Variants in ACYP2 observed in about 807,000 individuals in gnomAD.
ACYP2 encodes the protein acylphosphatase-2.
ACYP2 carries 12 observed loss-of-function variants against 11.2 expected under a neutral mutation model. The ratio of observed to expected loss-of-function variants is 1.08; its 90% CI spans 0.69 to 1.74. The LOEUF is 1.74. Among genes scored for constraint, ACYP2 ranks in the 40% most tolerant of loss-of-function variants. The probability of loss-of-function intolerance (pLI) is 0.00; values close to 1 mark genes in which losing one functional copy is unlikely to be tolerated. For missense variants in ACYP2, 134 were observed against 101.9 expected (o/e 1.31, Z -1.35); for synonymous variants, 43 against 32.2 (o/e 1.33, Z -1.13).
chr2:54,206,335 C>A (rs1336158987), intron 6 of ACYP2, among the ~76,000 whole-genome samples: 1 of 152,160 alleles, frequency 6.6e-6, no homozygotes, highest in Non-Finnish European at 1.5e-5. Flanking sequence ...TAATTTAGAT[C>A]TGTTATTTAC....
intron 4 of ACYP2, among the ~76,000 whole-genome samples, chr2:54,106,387 G>A (rs1207220947): frequency 6.6e-6 from 1 of 151,940 alleles, no homozygotes; most frequent in African/African-American, 2.4e-5. Flanking sequence ...TATGAGTAAG[G>A]ATGAAAAGTA....
chr2:54,254,900 G>GT, intron 6 of ACYP2: 1 of 1,598,880 alleles, frequency 6.3e-7, no homozygotes, highest in East Asian at 2.2e-5. Context: ...TTCTGCAGGA[G>GT]TAATTCCAAA....
chr2:54,253,315 T>A (rs952694552), intron 6 of ACYP2: 2 of 152,240 alleles, frequency 1.3e-5, no homozygotes, highest in African/African-American at 4.8e-5. Flanking sequence ...AAAACTGCCA[T>A]GAATATCCAT....
intron 2 of ACYP2, among the ~76,000 whole-genome samples, chr2:53,977,434 C>G (rs1309577822): frequency 6.6e-6 from 1 of 152,090 alleles, no homozygotes; most frequent in African/African-American, 2.4e-5. Context: ...ACTTCTATCC[C>G]TGGGTAGATA....
chr2:54,040,257 A>G (rs1675153679), intron 2 of ACYP2, among the ~76,000 whole-genome samples: 2 of 152,160 alleles, frequency 1.3e-5, no homozygotes, highest in Admixed American at 1.3e-4. Flanking sequence ...TGAACTCTGC[A>G]ACTCGGGAAA....
At chr2:54,095,196 G>C (rs1404891153) in intron 4 of ACYP2, among the ~76,000 whole-genome samples, 2 of 152,160 alleles carry the variant, frequency 1.3e-5, no homozygotes, top group African/African-American at 4.8e-5. Flanking sequence ...AGAGCACAGG[G>C]TTGGGGGTAA....
At chr2:54,188,457 C>G (rs1684104763) in intron 6 of ACYP2, among the ~76,000 whole-genome samples, 1 of 151,984 alleles carries the variant, frequency 6.6e-6, no homozygotes, top group Non-Finnish European at 1.5e-5. Flanking sequence ...GTTAAAAGAG[C>G]AAGCAGTAGA....
intron 6 of ACYP2, among the ~76,000 whole-genome samples, chr2:54,259,408 C>T (rs1290094906): frequency 6.6e-6 from 1 of 152,124 alleles, no homozygotes; most frequent in South Asian, 2.1e-4. Context: ...AAGCTGGGCC[C>T]TGAAGACTCC....
At chr2:54,263,737 T>C (rs1465506807) in intron 6 of ACYP2, among the ~76,000 whole-genome samples, 1 of 152,204 alleles carries the variant, frequency 6.6e-6, no homozygotes, top group Non-Finnish European at 1.5e-5. Flanking sequence ...TGCATATGTT[T>C]CAAGATGATA....
At chr2:54,200,181 T>C (rs998130254) in intron 6 of ACYP2, among the ~76,000 whole-genome samples, 1 of 152,206 alleles carries the variant, frequency 6.6e-6, no homozygotes, top group Non-Finnish European at 1.5e-5. Flanking sequence ...GCTAGCTGTG[T>C]GTCCTTGGGC....
chr2:54,193,293 C>T (rs912006428), intron 6 of ACYP2, among the ~76,000 whole-genome samples: 4 of 152,158 alleles, frequency 2.6e-5, no homozygotes, highest in Admixed American at 6.5e-5. Context: ...GTATCTGTTA[C>T]CACATTAATA....
intron 6 of ACYP2, among the ~76,000 whole-genome samples, chr2:54,240,751 G>A (rs1454910359): frequency 6.6e-6 from 1 of 152,154 alleles, no homozygotes; most frequent in Non-Finnish European, 1.5e-5. Context: ...AGAGAACTAA[G>A]AGTCAGGAAA....
intron 2 of ACYP2, among the ~76,000 whole-genome samples, chr2:53,986,563 C>G (rs1672046745): frequency 6.6e-6 from 1 of 151,886 alleles, no homozygotes; most frequent in Non-Finnish European, 1.5e-5. Context: ...TCTGGAACTC[C>G]TGACCTCAAG....
At chr2:53,971,887 G>A (rs1050609116) in intron 1 of ACYP2, among the ~76,000 whole-genome samples, 7 of 152,222 alleles carry the variant, frequency 4.6e-5, no homozygotes, top group African/African-American at 1.7e-4. Flanking sequence ...GTTCAAAATA[G>A]CGTAAGAGAG....
At chr2:54,077,492 T>G (rs1329204366) in intron 4 of ACYP2, among the ~76,000 whole-genome samples, 1 of 152,214 alleles carries the variant, frequency 6.6e-6, no homozygotes, top group African/African-American at 2.4e-5. Context: ...TATCAGTGCA[T>G]GCAGTATTGC....
At chr2:54,194,301 A>AT (rs1684361622) in intron 6 of ACYP2, among the ~76,000 whole-genome samples, 1 of 152,126 alleles carries the variant, frequency 6.6e-6, no homozygotes, top group Non-Finnish European at 1.5e-5. Context: ...TGGGCTCCTA[A>AT]AGTGCTGGGA....
chr2:54,245,641 T>A (rs967450597), intron 6 of ACYP2, among the ~76,000 whole-genome samples: 1 of 152,116 alleles, frequency 6.6e-6, no homozygotes, highest in Non-Finnish European at 1.5e-5. Context: ...TTTCCATGTA[T>A]TTTTTTGGAT....
intron 2 of ACYP2, among the ~76,000 whole-genome samples, chr2:54,038,965 G>T (rs986913539): frequency 6.6e-6 from 1 of 151,850 alleles, no homozygotes; most frequent in Non-Finnish European, 1.5e-5. Flanking sequence ...GATATTTGAG[G>T]GAAGGAGTTG....
At chr2:54,227,917 G>A (rs539312983) in intron 6 of ACYP2, among the ~76,000 whole-genome samples, 18 of 152,236 alleles carry the variant, frequency 1.2e-4, no homozygotes, top group Non-Finnish European at 2.2e-4. Flanking sequence ...ACAATATTTT[G>A]GCCTGATTTT....
Sources: gnomAD v4.1 joint callset for allele counts (sites outside exome capture counted in the v4.1 genomes callset) on GRCh38, gnomAD v4.1.1 for gene constraint, MANE v1.5 for transcripts, NCBI Gene and HGNC (gene_info 2026-07-23, HGNC 2026-07-21) for gene names.